The following ATF6 variants were observed in gnomAD, a reference collection of about 807,000 sequenced individuals.
ATF6 encodes the protein cyclic AMP-dependent transcription factor ATF-6 alpha.
ATF6 carries 53 observed loss-of-function variants against 83.6 expected under a neutral mutation model. The ratio of observed to expected loss-of-function variants is 0.63; its 90% CI spans 0.51 to 0.80. ATF6 has a LOEUF of 0.80. Among genes scored for constraint, ATF6 ranks in the 30% least tolerant of loss-of-function variants. The pLI is 0.00. For missense variants in ATF6, 744 were observed against 797.9 expected (o/e 0.93, Z 0.81); for synonymous variants, 288 against 285.8 (o/e 1.01, Z -0.08).
chr1:161,908,000 C>G (rs1211678550), intron 14 of ATF6, among the ~76,000 whole-genome samples: 1 of 152,142 alleles, frequency 6.6e-6, no homozygotes, highest in Non-Finnish European at 1.5e-5. Context: ...CATTTTAAAA[C>G]TTACCTTTAT....
chr1:161,876,089 A>G (rs571355841), intron 14 of ATF6, among the ~76,000 whole-genome samples: 2 of 152,088 alleles, frequency 1.3e-5, no homozygotes, highest in Admixed American at 1.3e-4. Context: ...TTCAAGATAA[A>G]TGATGAGATT....
intron 15 of ATF6, among the ~76,000 whole-genome samples, chr1:161,918,802 G>T (rs1487438772): frequency 6.6e-6 from 1 of 152,170 alleles, no homozygotes; most frequent in Non-Finnish European, 1.5e-5. Flanking sequence ...TTTGGAGAGG[G>T]TGGCAAAGGA....
chr1:161,855,272 C>T (rs1031962509), intron 12 of ATF6, among the ~76,000 whole-genome samples: 1 of 152,032 alleles, frequency 6.6e-6, no homozygotes, highest in South Asian at 2.1e-4. Flanking sequence ...GTGTGGTAGT[C>T]GTGAAGGTGG....
At chr1:161,843,653 T>C (rs1686410230) in intron 9 of ATF6, among the ~76,000 whole-genome samples, 1 of 152,222 alleles carries the variant, frequency 6.6e-6, no homozygotes, top group African/African-American at 2.4e-5. Context: ...TGTTAAAATA[T>C]ACTGTATTTG....
chr1:161,780,280 T>C (rs1181035839), intron 2 of ATF6, among the ~76,000 whole-genome samples: 1 of 152,176 alleles, frequency 6.6e-6, no homozygotes, highest in East Asian at 1.9e-4. Context: ...CATTTTGAAA[T>C]GATAATATTC....
intron 9 of ATF6, among the ~76,000 whole-genome samples, chr1:161,837,681 A>G (rs1686256977): frequency 6.6e-6 from 1 of 151,894 alleles, no homozygotes; most frequent in Non-Finnish European, 1.5e-5. Flanking sequence ...CAGTTGGAAG[A>G]AAAGAGGATG....
At chr1:161,820,999 C>T in intron 8 of ATF6, 71 bp from the exon 9 acceptor site, 1 of 1,030,100 alleles carries the variant, frequency 9.7e-7, no homozygotes, top group South Asian at 1.7e-5. Context: ...GAGGAAAATT[C>T]TAATCTTAAG....
chr1:161,780,561 G>A (rs1331198292), intron 2 of ATF6, among the ~76,000 whole-genome samples: 2 of 151,990 alleles, frequency 1.3e-5, no homozygotes, highest in African/African-American at 4.8e-5. Flanking sequence ...TTTTAGTAGA[G>A]ATGGGGTTTC....
intron 15 of ATF6, among the ~76,000 whole-genome samples, chr1:161,941,731 G>A (rs1181829363): frequency 6.6e-6 from 1 of 152,182 alleles, no homozygotes; most frequent in Non-Finnish European, 1.5e-5. Flanking sequence ...ATAAGAAGCA[G>A]ATTAGGATAA....
chr1:161,882,738 C>T (rs1474799475), intron 14 of ATF6, among the ~76,000 whole-genome samples: 3 of 150,492 alleles, frequency 2.0e-5, no homozygotes, highest in Non-Finnish European at 4.4e-5. Flanking sequence ...AATCAGGTAG[C>T]ATGGGCTTTG....
intron 7 of ATF6, among the ~76,000 whole-genome samples, chr1:161,815,184 A>ATTTTTTTTTTTTTTTTTTTTTT (rs34687938): frequency 1.0e-5 from 1 of 96,452 alleles, no homozygotes; most frequent in Non-Finnish European, 1.9e-5. Flanking sequence ...TCCCATTTTA[A>ATTTTTTTTTTTTTTTTTTTTTT]TTTTTTTTTT....
chr1:161,767,685 C>T (rs1360107114), intron 1 of ATF6, among the ~76,000 whole-genome samples: 1 of 152,166 alleles, frequency 6.6e-6, no homozygotes, highest in Non-Finnish European at 1.5e-5. Context: ...GGTTTTTCTA[C>T]CTCCAAAGTC....
At chr1:161,901,871 A>C (rs1457901839) in intron 14 of ATF6, among the ~76,000 whole-genome samples, 1 of 152,202 alleles carries the variant, frequency 6.6e-6, no homozygotes, top group Non-Finnish European at 1.5e-5. Flanking sequence ...ACTTGTACCC[A>C]TGCATGATTT....
intron 9 of ATF6, 86 bp from the exon 10 acceptor site, chr1:161,846,363 T>C: frequency 7.1e-7 from 1 of 1,408,888 alleles, no homozygotes; most frequent in Non-Finnish European, 9.5e-7. Flanking sequence ...TGCAAAGGAA[T>C]TGTGGTTTGT....
chr1:161,770,520 T>C (rs7553368), intron 1 of ATF6, among the ~76,000 whole-genome samples: 35,057 of 152,158 alleles, frequency 0.23, 5,234 homozygotes, highest in South Asian at 0.36. Flanking sequence ...TGTCCTCACA[T>C]GGCACTGAGA....
intron 15 of ATF6, among the ~76,000 whole-genome samples, chr1:161,929,128 C>T (rs1688382526): frequency 6.6e-6 from 1 of 152,164 alleles, no homozygotes; most frequent in African/African-American, 2.4e-5. Context: ...CCCAGATAAA[C>T]TATGATACAG....
In ATF6 at chr1:161,880,328, ATGTGTGTGTG is replaced by A. The variant is rs138587790; in HGVS notation, c.1719+17030_1719+17039del. 3.4e-5 allele frequency among the ~76,000 whole-genome samples: 5 copies of A among 148,030 alleles called. No homozygotes were observed. In the East Asian group the frequency reaches 7.9e-4, roughly 23 times the overall value. ...ACACCACATTTTATGTGTGATATGTATGTGTGTGTGTGTGTGTGTGTGTATATATGTATAT... is the reference window on the plus strand; with the variant it reads ...ACACCACATTTTATGTGTGATATGTATGTGTGTGTGTGTATATATGTATAT... On this transcript the variant is annotated intron_variant, in intron 14 of 15. Coordinates refer to ENST00000367942, the MANE Select transcript of ATF6 (RefSeq NM_007348.4).
intron 15 of ATF6, among the ~76,000 whole-genome samples, chr1:161,937,198 G>A (rs918661780): frequency 6.6e-6 from 1 of 152,080 alleles, no homozygotes; most frequent in African/African-American, 2.4e-5. Context: ...AAATTGGCCA[G>A]GTGTGGTGAG....
intron 10 of ATF6, among the ~76,000 whole-genome samples, chr1:161,849,086 A>G (rs1686552311): frequency 6.6e-6 from 1 of 152,170 alleles, no homozygotes; most frequent in Admixed American, 6.6e-5. Context: ...GTATTTTTCT[A>G]AGTATGCAGG....
Sources: allele counts gnomAD v4.1 joint callset (sites outside exome capture counted in the v4.1 genomes callset), GRCh38; gene constraint gnomAD v4.1.1; transcripts MANE v1.5; gene names NCBI Gene and HGNC (gene_info 2026-07-23, HGNC 2026-07-21).